GNA12: variants seen among roughly 807,000 people sequenced by gnomAD.
GNA12 encodes the protein guanine nucleotide-binding protein subunit alpha-12.
GNA12 carries 9 observed loss-of-function variants against 26.0 expected under a neutral mutation model. The ratio of observed to expected loss-of-function variants is 0.35; its 90% CI spans 0.21 to 0.60. The LOEUF (loss-of-function observed/expected upper bound fraction) is 0.60. GNA12 is among the 20% of genes least tolerant of loss of function. The pLI is 0.78. For synonymous variants in GNA12, 264 were observed against 219.6 expected, an observed-to-expected ratio of 1.20 and a Z score of -1.79; for missense variants, 405 against 525.8, an observed-to-expected ratio of 0.77 and a Z score of 2.25.
At chr7:2,836,904 A>G (rs992416981) in intron 1 of GNA12, among the ~76,000 whole-genome samples, 2 of 152,206 alleles carry the variant, frequency 1.3e-5, no homozygotes, top group African/African-American at 4.8e-5. Context: ...AGCCCGGGCA[A>G]CAAGAGCGAA....
At chr7:2,736,700 G>A (rs1790196868) in intron 2 of GNA12, among the ~76,000 whole-genome samples, 1 of 152,182 alleles carries the variant, frequency 6.6e-6, no homozygotes, top group Non-Finnish European at 1.5e-5. Context: ...GCAGTTTCTG[G>A]AAGCACCTGT....
chr7:2,744,208 G>A (rs113069252), intron 2 of GNA12, among the ~76,000 whole-genome samples: 266 of 152,316 alleles, frequency 1.7e-3, no homozygotes, highest in African/African-American at 5.9e-3. Context: ...ATCTGAGAAC[G>A]GGCAGACTGC....
At chr7:2,734,500 G>T (rs1790059366) in intron 2 of GNA12, among the ~76,000 whole-genome samples, 1 of 152,320 alleles carries the variant, frequency 6.6e-6, no homozygotes. Flanking sequence ...AGCTGACGCA[G>T]GAGAATTTTA....
At chr7:2,757,410 G>A (rs1791356988) in intron 2 of GNA12, among the ~76,000 whole-genome samples, 1 of 152,164 alleles carries the variant, frequency 6.6e-6, no homozygotes, top group South Asian at 2.1e-4. Flanking sequence ...TTATGAGGAG[G>A]AGCCACGTGG....
chr7:2,833,304 C>T (rs925047173), intron 1 of GNA12, among the ~76,000 whole-genome samples: 10 of 152,218 alleles, frequency 6.6e-5, no homozygotes, highest in African/African-American at 2.4e-4. Context: ...CCTATAATTA[C>T]ATCTCTAGAT....
chr7:2,796,497 T>C (rs1005457492), intron 1 of GNA12, among the ~76,000 whole-genome samples: 1 of 152,082 alleles, frequency 6.6e-6, no homozygotes, highest in African/African-American at 2.4e-5. Flanking sequence ...TGGCAGCTCC[T>C]CTATTCCAAA....
intron 2 of GNA12, among the ~76,000 whole-genome samples, chr7:2,759,639 G>C (rs1188657635): frequency 2.0e-5 from 3 of 152,232 alleles, no homozygotes; most frequent in Non-Finnish European, 2.9e-5. Context: ...GGCAGGTTCA[G>C]AGGTGTTTGT....
chr7:2,841,208 G>A (rs1394997737), intron 1 of GNA12, among the ~76,000 whole-genome samples: 1 of 152,172 alleles, frequency 6.6e-6, no homozygotes. Context: ...CTAAAGTGCA[G>A]TGGTGCGATC....
At chr7:2,796,608 A>G (rs930650268) in intron 1 of GNA12, among the ~76,000 whole-genome samples, 3 of 152,348 alleles carry the variant, frequency 2.0e-5, no homozygotes, top group East Asian at 3.9e-4. Flanking sequence ...CGACAAGCCA[A>G]GTAGCCCGCC....
intron 2 of GNA12, among the ~76,000 whole-genome samples, chr7:2,789,093 T>C (rs1792441407): frequency 6.7e-6 from 1 of 149,314 alleles, no homozygotes; most frequent in Non-Finnish European, 1.5e-5. Context: ...GCTCCCGAAG[T>C]ACAGGCGTGA....
At chr7:2,738,666 CTG>C (rs751428175) in intron 2 of GNA12, among the ~76,000 whole-genome samples, 5 of 151,878 alleles carry the variant, frequency 3.3e-5, no homozygotes, top group African/African-American at 4.8e-5. Flanking sequence ...GTAGCCCTCT[CTG>C]AGTATGTCTG....
intron 2 of GNA12, among the ~76,000 whole-genome samples, chr7:2,786,776 C>T (rs759381809): frequency 2.0e-5 from 3 of 152,188 alleles, no homozygotes. Context: ...TGTCTCTGAG[C>T]TGCTATAACC....
intron 1 of GNA12, among the ~76,000 whole-genome samples, chr7:2,815,450 C>T (rs567235782): frequency 6.5e-4 from 99 of 152,272 alleles, no homozygotes; most frequent in African/African-American, 2.3e-3. Flanking sequence ...GATGACTCAG[C>T]GCAGGTTGGA....
At chr7:2,791,667 T>G (rs1187099953) in intron 2 of GNA12, among the ~76,000 whole-genome samples, 1 of 151,780 alleles carries the variant, frequency 6.6e-6, no homozygotes, top group African/African-American at 2.4e-5. Flanking sequence ...GATGAAGCAT[T>G]GCCCTAGAAA....
intron 2 of GNA12, chr7:2,762,488 C>G (rs758629683): frequency 5.2e-6 from 4 of 765,030 alleles, no homozygotes; most frequent in Non-Finnish European, 8.0e-6. Flanking sequence ...TGTGCGGGGC[C>G]TGAGGTGTGA....
chr7:2,787,020 G>A (rs1163707435), intron 2 of GNA12, among the ~76,000 whole-genome samples: 3 of 152,140 alleles, frequency 2.0e-5, no homozygotes, highest in Non-Finnish European at 4.4e-5. Flanking sequence ...CAGGGGCAGG[G>A]TCCAAACACA....
chr7:2,763,975 T>G (rs572325992), intron 2 of GNA12, among the ~76,000 whole-genome samples: 1 of 152,342 alleles, frequency 6.6e-6, no homozygotes, highest in Admixed American at 6.5e-5. Flanking sequence ...TACAGGGGCA[T>G]GAGAACAGGG....
intron 2 of GNA12, among the ~76,000 whole-genome samples, chr7:2,738,781 C>T (rs1790343417): frequency 6.6e-6 from 1 of 152,134 alleles, no homozygotes; most frequent in African/African-American, 2.4e-5. Context: ...CCCAATAGGA[C>T]AATAAGGTTA....
At chr7:2,791,442 G>A (rs1332957665) in intron 2 of GNA12, among the ~76,000 whole-genome samples, 1 of 152,324 alleles carries the variant, frequency 6.6e-6, no homozygotes, top group East Asian at 1.9e-4. Context: ...TCTCAGAGGA[G>A]AAAGGGTCGT....
Sources: gnomAD v4.1 joint callset for allele counts (sites outside exome capture counted in the v4.1 genomes callset) on GRCh38, gnomAD v4.1.1 for gene constraint, MANE v1.5 for transcripts, NCBI Gene and HGNC (gene_info 2026-07-23, HGNC 2026-07-21) for gene names.